NDUFS4: variants seen among roughly 807,000 people sequenced by gnomAD.
NDUFS4 encodes the protein NADH dehydrogenase [ubiquinone] iron-sulfur protein 4, mitochondrial.
In NDUFS4, 28 loss-of-function variants were observed where a neutral mutation model predicts 24.3. The ratio of observed to expected loss-of-function variants is 1.15; its 90% CI spans 0.85 to 1.58. The LOEUF (loss-of-function observed/expected upper bound fraction) is 1.58. NDUFS4 is among the 40% of genes most tolerant of loss of function. The probability of loss-of-function intolerance (pLI) is 0.00; values close to 1 mark genes in which losing one functional copy is unlikely to be tolerated. For missense variants in NDUFS4, 223 were observed against 207.9 expected, an observed-to-expected ratio of 1.07 and a Z score of -0.45; for synonymous variants, 93 against 69.7, an observed-to-expected ratio of 1.34 and a Z score of -1.67.
chr5:53,571,194 A>G (rs1236024352), intron 1 of NDUFS4, among the ~76,000 whole-genome samples: 1 of 152,228 alleles, frequency 6.6e-6, no homozygotes, highest in Non-Finnish European at 1.5e-5. Context: ...TGTACCCATT[A>G]GCAGTCGCTT....
intron 1 of NDUFS4, among the ~76,000 whole-genome samples, chr5:53,602,792 G>A (rs746110542): frequency 3.4e-4 from 52 of 152,264 alleles, no homozygotes; most frequent in Non-Finnish European, 4.6e-4. Flanking sequence ...ACATTCAGTA[G>A]TATAAACAAC....
At chr5:53,609,657 ATCT>A (rs1750638567) in intron 2 of NDUFS4, among the ~76,000 whole-genome samples, 1 of 152,200 alleles carries the variant, frequency 6.6e-6, no homozygotes, top group African/African-American at 2.4e-5. Context: ...CCTAGCTGGC[ATCT>A]TCTTCTGATA....
chr5:53,563,472 A>C (rs1488073772), intron 1 of NDUFS4, among the ~76,000 whole-genome samples: 1 of 151,144 alleles, frequency 6.6e-6, no homozygotes, highest in Non-Finnish European at 1.5e-5. Context: ...ACCGAATGTG[A>C]GGAGGCAAAA....
At chr5:53,628,723 A>G (rs1751305406) in intron 2 of NDUFS4, among the ~76,000 whole-genome samples, 1 of 152,130 alleles carries the variant, frequency 6.6e-6, no homozygotes, top group South Asian at 2.1e-4. Flanking sequence ...CAGTGGTGAT[A>G]TCCACTTTAT....
rs747850140 is a variant in NDUFS4 at position 53,560,730 on chromosome 5, C to T, written c.68C>T (p.Ala23Val). Residue 23 changes from alanine (A) to valine (V), a missense_variant, in exon 1 of 5, where the codon GCT becomes GTT. By Grantham distance (64) the Ala-to-Val change is moderately conservative (BLOSUM62 0). Transcript: ENST00000296684. ...TGGCGGAGAAGGGCAGTGGCTGTAGCTGCCCTTTCCGTTTCCAGGGTTCCG... is the reference window on the plus strand; with the variant it reads ...TGGCGGAGAAGGGCAGTGGCTGTAGTTGCCCTTTCCGTTTCCAGGGTTCCG... ...TLWRRRAVAV[A>V]ALSVSRVPTR... is the part of the protein sequence containing the mutation. 8.1e-6 allele frequency: 13 copies of T among 1,614,138 alleles called. No individual in the cohort carries two copies. Among genetic ancestry groups the T allele is most frequent in the Non-Finnish European group, 1.1e-5 (13 of 1,180,042 alleles).
intron 1 of NDUFS4, among the ~76,000 whole-genome samples, chr5:53,581,537 G>A (rs1337823558): frequency 6.6e-6 from 1 of 152,004 alleles, no homozygotes; most frequent in African/African-American, 2.4e-5. Flanking sequence ...ACCCCTAAAT[G>A]TTTTCTCTCT....
At chr5:53,652,735 T>A (rs1291247769) in intron 3 of NDUFS4, among the ~76,000 whole-genome samples, 1 of 152,160 alleles carries the variant, frequency 6.6e-6, no homozygotes, top group African/African-American at 2.4e-5. Flanking sequence ...ATTACCTGAG[T>A]CTTTAAATGT....
At chr5:53,593,495 A>T (rs1031423971) in intron 1 of NDUFS4, among the ~76,000 whole-genome samples, 4 of 151,684 alleles carry the variant, frequency 2.6e-5, no homozygotes, top group African/African-American at 9.7e-5. Flanking sequence ...TTCAAAGAAC[A>T]GCTTTTGGTT....
chr5:53,602,094 A>G (rs1750341302), intron 1 of NDUFS4, among the ~76,000 whole-genome samples: 1 of 152,186 alleles, frequency 6.6e-6, no homozygotes, highest in East Asian at 1.9e-4. Flanking sequence ...AGAAAATGTG[A>G]TAACATTTTC....
chr5:53,668,372 T>C (rs1267098579), intron 4 of NDUFS4, among the ~76,000 whole-genome samples: 1 of 152,174 alleles, frequency 6.6e-6, no homozygotes, highest in African/African-American at 2.4e-5. Flanking sequence ...GAGCATGGTT[T>C]CCCTTGACAC....
At chr5:53,608,453 C>T (rs1225603063) in intron 2 of NDUFS4, among the ~76,000 whole-genome samples, 1 of 152,206 alleles carries the variant, frequency 6.6e-6, no homozygotes, top group African/African-American at 2.4e-5. Flanking sequence ...ATTTTACTCA[C>T]AGTGGAACTT....
At chr5:53,604,673 T>C in intron 2 of NDUFS4, 12 of 445,982 alleles carry the variant, frequency 2.7e-5, no homozygotes, top group South Asian at 1.9e-4. Flanking sequence ...ACTAAAATCC[T>C]AACATGGTCT....
intron 1 of NDUFS4, among the ~76,000 whole-genome samples, chr5:53,596,743 T>C (rs1356741155): frequency 1.3e-5 from 2 of 152,198 alleles, no homozygotes; most frequent in Non-Finnish European, 2.9e-5. Context: ...CTTTATGATA[T>C]AAGGTGAGTC....
intron 1 of NDUFS4, among the ~76,000 whole-genome samples, chr5:53,582,998 C>G (rs1389531582): frequency 2.6e-5 from 4 of 152,074 alleles, no homozygotes; most frequent in Admixed American, 2.6e-4. Context: ...GCCTCTCAGC[C>G]TCCTGAGTAG....
At chr5:53,563,553 G>A (rs1004837428) in intron 1 of NDUFS4, among the ~76,000 whole-genome samples, 4 of 151,188 alleles carry the variant, frequency 2.6e-5, no homozygotes, top group African/African-American at 9.7e-5. Context: ...CCATTCTAGA[G>A]TGCAGTGGCA....
intron 2 of NDUFS4, among the ~76,000 whole-genome samples, chr5:53,639,639 CAATT>C (rs1293522405): frequency 6.6e-6 from 1 of 152,078 alleles, no homozygotes; most frequent in Non-Finnish European, 1.5e-5. Flanking sequence ...TTGTTCTCAA[CAATT>C]AAACTGCTCA....
At chr5:53,659,930 A>G (rs556859649) in intron 4 of NDUFS4, among the ~76,000 whole-genome samples, 40 of 152,240 alleles carry the variant, frequency 2.6e-4, no homozygotes, top group African/African-American at 9.6e-4. Context: ...TGAGTTAATA[A>G]AAGTGTTTAG....
intron 2 of NDUFS4, among the ~76,000 whole-genome samples, chr5:53,635,470 T>C (rs1396209338): frequency 6.6e-6 from 1 of 152,082 alleles, no homozygotes; most frequent in Non-Finnish European, 1.5e-5. Flanking sequence ...CAGTAAGCCA[T>C]GATCATGCCA....
chr5:53,583,913 A>G (rs1749656024), intron 1 of NDUFS4, among the ~76,000 whole-genome samples: 1 of 152,238 alleles, frequency 6.6e-6, no homozygotes, highest in African/African-American at 2.4e-5. Flanking sequence ...TAATAAGTAC[A>G]AAATGTGTGA....
Sources: allele counts gnomAD v4.1 joint callset (sites outside exome capture counted in the v4.1 genomes callset), GRCh38; gene constraint gnomAD v4.1.1; transcripts MANE v1.5; gene names NCBI Gene and HGNC (gene_info 2026-07-23, HGNC 2026-07-21).